Variants in AGBL4 observed in about 807,000 individuals in gnomAD.
The protein encoded by AGBL4 is AGBL carboxypeptidase 4, also known as cytosolic carboxypeptidase 6.
A neutral mutation model predicts 66.4 loss-of-function variants in AGBL4; 58 were observed. The ratio of observed to expected loss-of-function variants is 0.87; its 90% CI spans 0.71 to 1.09. The LOEUF is 1.09. AGBL4 is among the 50% of genes least tolerant of loss of function. The pLI, the probability that AGBL4 is intolerant of heterozygous loss-of-function variation, is 0.00. For missense variants in AGBL4, 579 were observed against 631.0 expected, an observed-to-expected ratio of 0.92 and a Z score of 0.88; for synonymous variants, 234 against 222.9, an observed-to-expected ratio of 1.05 and a Z score of -0.44.
At chr1:49,743,742 C>T (rs561095708) in intron 2 of AGBL4, among the ~76,000 whole-genome samples, 4 of 152,098 alleles carry the variant, frequency 2.6e-5, no homozygotes, top group South Asian at 2.1e-4. Context: ...TATGAGTTCA[C>T]GTCCTTCGTA....
At chr1:49,582,987 C>G (rs1297619352) in intron 3 of AGBL4, among the ~76,000 whole-genome samples, 3 of 152,152 alleles carry the variant, frequency 2.0e-5, no homozygotes, top group Non-Finnish European at 4.4e-5. Context: ...TATATTTGGT[C>G]TTCATTCCCA....
chr1:49,170,837 G>A (rs1243302349), intron 4 of AGBL4, among the ~76,000 whole-genome samples: 1 of 151,924 alleles, frequency 6.6e-6, no homozygotes, highest in Admixed American at 6.6e-5. Flanking sequence ...CAGTAACAGC[G>A]CCATTTATTT....
At chr1:48,938,454 T>A (rs1278089114) in intron 5 of AGBL4, among the ~76,000 whole-genome samples, 1 of 152,220 alleles carries the variant, frequency 6.6e-6, no homozygotes, top group African/African-American at 2.4e-5. Flanking sequence ...GACAATAGGA[T>A]AATCTACTTT....
intron 1 of AGBL4, among the ~76,000 whole-genome samples, chr1:50,011,278 G>A (rs897375218): frequency 2.0e-5 from 3 of 152,124 alleles, no homozygotes; most frequent in Non-Finnish European, 4.4e-5. Context: ...ACAGGCATAC[G>A]AAAAGGTGTT....
At chr1:49,592,442 C>A (rs1013404766) in intron 3 of AGBL4, among the ~76,000 whole-genome samples, 4 of 152,034 alleles carry the variant, frequency 2.6e-5, no homozygotes, top group Non-Finnish European at 4.4e-5. Context: ...TGGTGGCAGG[C>A]ACCTGTAATC....
rs373884443 is a variant in AGBL4, at chr1:48,642,775, G to C, written c.840-8171C>G. 1.4e-3 allele frequency among the ~76,000 whole-genome samples: 213 copies of C among 152,250 alleles called. 3 individuals carry two copies. In the South Asian group the frequency reaches 0.04, roughly 29 times the overall value. ...TTGAGGCTAGGAATTCACCATTTCC[G>C]TTTCTTAAGTGAAAAAGGACAGAGG... On this transcript the variant is annotated intron_variant, in intron 8 of 13. Transcript: ENST00000371839.
At chr1:49,295,217 C>CA (rs1007032442) in intron 3 of AGBL4, among the ~76,000 whole-genome samples, 18 of 152,044 alleles carry the variant, frequency 1.2e-4, no homozygotes, top group African/African-American at 4.1e-4. Context: ...GAGGATATAA[C>CA]AAAAAATGCT....
intron 3 of AGBL4, among the ~76,000 whole-genome samples, chr1:49,332,488 C>T (rs1270693984): frequency 6.6e-6 from 1 of 152,086 alleles, no homozygotes; most frequent in Non-Finnish European, 1.5e-5. Context: ...AAGTCTAATG[C>T]CAAAACCAAG....
At chr1:48,573,321 G>A (rs975522149) in intron 11 of AGBL4, among the ~76,000 whole-genome samples, 2 of 152,222 alleles carry the variant, frequency 1.3e-5, no homozygotes, top group Admixed American at 1.3e-4. Context: ...TGAAGTGTCA[G>A]CTGTCTACAT....
In AGBL4 at chr1:49,049,723, A is replaced by G. The variant is rs905765096; in HGVS notation, c.378-3923T>C. ...GAGAGGGCTGCCTTACAGAGAAAAT[A>G]CAAGTATTAGAAGCTTTAGGGGATA... On this transcript the variant is annotated intron_variant, in intron 4 of 13. Coordinates refer to ENST00000371839, the MANE Select transcript of AGBL4 (RefSeq NM_032785.4). Among the ~76,000 whole-genome samples, 19 of 152,242 alleles carry G rather than the reference A, an allele frequency of 1.2e-4. No individual in the cohort carries two copies. In the South Asian group the frequency reaches 1.5e-3, roughly 12 times the overall value.
At chr1:49,845,292 C>T in intron 2 of AGBL4, 1 of 1,558,622 alleles carries the variant, frequency 6.4e-7, no homozygotes, top group Non-Finnish European at 8.8e-7. Flanking sequence ...CCCCACTGAT[C>T]CAGCACCAGA....
chr1:49,546,854 TG>T (rs1326371755), intron 3 of AGBL4, among the ~76,000 whole-genome samples: 4 of 152,226 alleles, frequency 2.6e-5, no homozygotes, highest in Non-Finnish European at 5.9e-5. Context: ...TTGATGGGAT[TG>T]TTTTTTTCTT....
At chr1:49,044,320 A>T (rs182335456) in intron 5 of AGBL4, among the ~76,000 whole-genome samples, 1 of 152,204 alleles carries the variant, frequency 6.6e-6, no homozygotes, top group East Asian at 1.9e-4. Context: ...CAACATGGTG[A>T]AACACTGTCT....
chr1:49,304,308 A>G (rs915752086), intron 3 of AGBL4, among the ~76,000 whole-genome samples: 2 of 152,140 alleles, frequency 1.3e-5, no homozygotes, highest in Non-Finnish European at 2.9e-5. Context: ...TGAGATCTCT[A>G]TTCTGTTCCA....
At chr1:48,817,948 A>T (rs1646220117) in intron 6 of AGBL4, 2 of 655,112 alleles carry the variant, frequency 3.1e-6, no homozygotes, top group Non-Finnish European at 2.8e-6. Context: ...GCAAAAAGCT[A>T]ATACGTTCCT....
At chr1:49,137,122 T>C (rs955313667) in intron 4 of AGBL4, among the ~76,000 whole-genome samples, 3 of 152,162 alleles carry the variant, frequency 2.0e-5, no homozygotes, top group Non-Finnish European at 4.4e-5. Context: ...CATTTTTCAT[T>C]TCATTTTTTC....
At chr1:48,688,311 C>T (rs553542464) in intron 6 of AGBL4, among the ~76,000 whole-genome samples, 2 of 152,188 alleles carry the variant, frequency 1.3e-5, no homozygotes, top group Admixed American at 1.3e-4. Flanking sequence ...ACCTAGAGCT[C>T]TCTCTATTCT....
intron 4 of AGBL4, among the ~76,000 whole-genome samples, chr1:49,184,368 G>A (rs1646979236): frequency 6.6e-6 from 1 of 152,156 alleles, no homozygotes; most frequent in Non-Finnish European, 1.5e-5. Context: ...AACAATGCAA[G>A]AATGTGGGGA....
rs149262653 is a variant in AGBL4 at position 49,735,928 on chromosome 1, C to A, written c.158-38491G>T. On this transcript the variant is annotated intron_variant, in intron 2 of 13. Coordinates refer to ENST00000371839, the MANE Select transcript of AGBL4 (RefSeq NM_032785.4). ...AAAAATCACTGGAAAGTATCAACAG[C>A]AAGCCAGGCAAAAGAAAGCCACAGC... 6.2e-3 allele frequency among the ~76,000 whole-genome samples: 935 copies of A among 152,014 alleles called. 9 individuals are homozygous for A. Among genetic ancestry groups the A allele is most frequent in the African/African-American group, 0.021 (869 of 41,490 alleles).
Sources: allele counts gnomAD v4.1 joint callset (sites outside exome capture counted in the v4.1 genomes callset), GRCh38; gene constraint gnomAD v4.1.1; transcripts MANE v1.5; gene names NCBI Gene and HGNC (gene_info 2026-07-23, HGNC 2026-07-21).